The following CHD3 variants were observed in gnomAD, a reference collection of about 807,000 sequenced individuals.
CHD3 encodes the protein ATP-dependent chromatin remodeler CHD3.
In CHD3, 52 loss-of-function variants were observed where a neutral mutation model predicts 248.9. That is an observed-to-expected ratio of 0.21 (90% confidence interval 0.17 to 0.26). The LOEUF (loss-of-function observed/expected upper bound fraction) is 0.26, where lower values mean the gene tolerates loss of function less well. CHD3 is among the 10% of genes least tolerant of loss of function. The probability of loss-of-function intolerance (pLI) is 1.00; values close to 1 mark genes in which losing one functional copy is unlikely to be tolerated. For missense variants in CHD3, 1,482 were observed against 2,605.8 expected, an observed-to-expected ratio of 0.57 and a Z score of 9.39; for synonymous variants, 985 against 985.2, an observed-to-expected ratio of 1.00 and a Z score of 0.00.
At chr17:7,898,154 A>T (rs1969907796) in intron 12 of CHD3, 52 bp downstream of exon 12, 1 of 1,599,830 alleles carries the variant, frequency 6.3e-7, no homozygotes, top group African/African-American at 1.3e-5. Flanking sequence ...AGGGCATGAA[A>T]GCCAAAACTC....
Position 7,889,636 on chromosome 17 carries a change from A to C in CHD3, c.101-28A>C. 6.3e-7 allele frequency: 1 copy of C among 1,590,488 alleles called. No individual in the cohort carries two copies. The highest frequency in any genetic ancestry group is 8.6e-7 in the Non-Finnish European group (1 of 1,165,744). Reference sequence around the variant, plus strand: ...TCAGAGGCTGGAAACCTAGAGGCTTAGGTTTTCTGATGCTTTTTGCTTCAA... The same window carrying C: ...TCAGAGGCTGGAAACCTAGAGGCTTCGGTTTTCTGATGCTTTTTGCTTCAA... On this transcript the variant is annotated intron_variant, in intron 1 of 39. Transcript: ENST00000330494. This position sits in a 1 kb window ranked among gnomAD's most constrained non-coding sequence, Gnocchi z 4.5.
upstream of CHD3, chr17:7,884,849 A>C: frequency 2.0e-6 from 2 of 994,382 alleles, no homozygotes; most frequent in Non-Finnish European, 1.4e-6. Flanking sequence ...GGAGGAGGAG[A>C]TGGTGGTGTC....
chr17:7,904,691 A>G lies in CHD3; in HGVS notation c.4072+72A>G. 4 of 1,365,036 alleles carry G rather than the reference A, an allele frequency of 2.9e-6. No individual in the cohort carries two copies. The highest frequency in any genetic ancestry group is 4.0e-6 in the Non-Finnish European group (4 of 989,610). 84.6% of individuals were successfully genotyped at this position (1,365,036 alleles called of 1,614,324 possible). Reference sequence around the variant, plus strand: ...GAGTAGGGACTTGAAGGCTGGAGCTATTTAGAGGGAAAGAGAGAAGCCTAG... The same window carrying G: ...GAGTAGGGACTTGAAGGCTGGAGCTGTTTAGAGGGAAAGAGAGAAGCCTAG... On this transcript the variant is annotated intron_variant, in intron 25 of 39. Coordinates refer to ENST00000330494, the MANE Select transcript of CHD3 (RefSeq NM_001005273.3). This position sits in a 1 kb window ranked among gnomAD's most constrained non-coding sequence, Gnocchi z 4.4.
rs1415055263 is a variant in CHD3, at chr17:7,909,784, G to A, written c.5590+446G>A. ...AAACTACCACCCATCCAACCCTCTGGCCTTACCCCATGAAACTTCCCTTTG... is the reference window on the plus strand; with the variant it reads ...AAACTACCACCCATCCAACCCTCTGACCTTACCCCATGAAACTTCCCTTTG... On this transcript the variant is annotated intron_variant, in intron 37 of 39. Coordinates refer to ENST00000330494, the MANE Select transcript of CHD3 (RefSeq NM_001005273.3). This position sits in a 1 kb window ranked among gnomAD's most constrained non-coding sequence, Gnocchi z 8.1. The A allele has an allele frequency of 5.2e-6, 1 of 193,822 alleles. No individual in the cohort carries two copies. The highest frequency in any genetic ancestry group is 1.1e-5 in the Non-Finnish European group (1 of 94,502). The allele number at this position is 193,822 out of a possible 1,614,324, so 12.0% of individuals were successfully genotyped here. A position where few individuals can be genotyped will look rare whatever the true frequency, so the allele number is the denominator to read the frequency against.
In CHD3 at chr17:7,908,169, ATCTT is replaced by A; in HGVS notation, c.5152+155_5152+158del. On this transcript the variant is annotated intron_variant, in intron 34 of 39. Transcript: ENST00000330494. The surrounding 1 kb of genome is among the most constrained non-coding windows in gnomAD (Gnocchi z 5.8). ...ATGCTGACTCCGATCCTTGCTCTAA[ATCTT>A]TCTTAAGTATCCCTCTTAACTCCAA... The A allele has an allele frequency of 9.3e-7, 1 of 1,071,054 alleles. No individual in the cohort carries two copies. Among genetic ancestry groups the A allele is most frequent in the Non-Finnish European group, 1.3e-6 (1 of 746,720 alleles). 66.3% of individuals were successfully genotyped at this position (1,071,054 alleles called of 1,614,324 possible).
rs1385174412 is a variant in CHD3, at chr17:7,907,690, T to C, written c.5014T>C (p.Leu1672=). 2 of 1,531,996 alleles carry C rather than the reference T, an allele frequency of 1.3e-6. No individual in the cohort carries two copies. The highest frequency in any genetic ancestry group is 2.8e-5 in the African/African-American group (2 of 71,642). 94.9% of individuals were successfully genotyped at this position (1,531,996 alleles called of 1,614,324 possible). The stretch of plus-strand genomic sequence containing the variant: ...GAGGCCGGAGGGGGAAACAGGGGAT[T>C]TGGGCAAGAGAGGTAATGGGTGGAA... ...RERPEGETGD[L]GKREDVKGDR... is the part of the protein sequence containing the mutation. The change falls in exon 33 of 40, where the codon TTG becomes CTG. Residue 1672 remains leucine (L), a synonymous_variant. Coordinates refer to ENST00000330494, the MANE Select transcript of CHD3 (RefSeq NM_001005273.3). This position sits in a 1 kb window ranked among gnomAD's most constrained non-coding sequence, Gnocchi z 4.3.
chr17:7,901,454 C>T, intron 20 of CHD3, 79 bp downstream of exon 20: 1 of 1,236,154 alleles, frequency 8.1e-7, no homozygotes, highest in Non-Finnish European at 1.1e-6. Flanking sequence ...TTCTTACGGT[C>T]TTCCTGTGGC....
rs372355101 is a variant in CHD3, at chr17:7,894,167, T to G, written c.977T>G (p.Leu326Arg). ...GAACCAGAGGCTGAGGAATCAGACC[T>G]GGACAGTGGCAGTGTCCACAGTGCC... ...GPEPEAEESD[L>R]DSGSVHSASG... Residue 326 changes from leucine (L) to arginine (R), a missense_variant, in exon 7 of 40, where the codon CTG becomes CGG. Leu to Arg is a moderately radical substitution (Grantham distance 102). This residue lies in a region of CHD3 where 149 missense variants were observed against 182.6 expected (regional missense o/e 0.82). Coordinates refer to ENST00000330494, the MANE Select transcript of CHD3 (RefSeq NM_001005273.3). The G allele has an allele frequency of 1.9e-6, 3 of 1,614,178 alleles. No individual in the cohort carries two copies. In the South Asian group the frequency reaches 3.3e-5, roughly 18 times the overall value.
chr17:7,889,670 A>G lies in CHD3; in HGVS notation c.107A>G (p.Asp36Gly). 6.2e-7 allele frequency: 1 copy of G among 1,611,886 alleles called. No individual in the cohort carries two copies. The highest frequency in any genetic ancestry group is 8.5e-7 in the Non-Finnish European group (1 of 1,178,754). Residue 36 changes from aspartate to glycine, a missense_variant, in exon 2 of 40, where the codon GAT becomes GGT. By Grantham distance (94) the Asp-to-Gly change is moderately conservative. Transcript: ENST00000330494. This position sits in a 1 kb window ranked among gnomAD's most constrained non-coding sequence, Gnocchi z 4.5. ...GATGCTTTTTGCTTCAAAGATAAGGATGACATTCGGCTGCTGCCGTCAGCA... is the reference window on the plus strand; with the variant it reads ...GATGCTTTTTGCTTCAAAGATAAGGGTGACATTCGGCTGCTGCCGTCAGCA... ...LCWGDRMPDK[D>G]DIRLLPSALG...
In CHD3 at chr17:7,900,675, G is replaced by A; in HGVS notation, c.2922G>A (p.Lys974=). ...MLRRLKADVF[K]NMPAKTELIV... The stretch of plus-strand genomic sequence containing the variant: ...GGAGACTCAAGGCAGATGTCTTTAA[G>A]AACATGCCAGCCAAGACAGAGCTCA... The change falls in exon 18 of 40, where the codon AAG becomes AAA. Residue 974 remains lysine (K), a synonymous_variant. Coordinates refer to ENST00000330494, the MANE Select transcript of CHD3 (RefSeq NM_001005273.3). This position sits in a 1 kb window ranked among gnomAD's most constrained non-coding sequence, Gnocchi z 6.5. 1 of 1,614,120 alleles carries A rather than the reference G, an allele frequency of 6.2e-7. No homozygotes were observed. The highest frequency in any genetic ancestry group is 8.5e-7 in the Non-Finnish European group (1 of 1,180,032).
Position 7,905,492 on chromosome 17 carries a change from G to C in CHD3, c.4139-129G>C. ...TAGTAGTTCTGAAGTGCTTGGGAGA[G>C]AATTGGGAGCACCTCAAACGTGACA... On this transcript the variant is annotated intron_variant, in intron 26 of 39. Coordinates refer to ENST00000330494, the MANE Select transcript of CHD3 (RefSeq NM_001005273.3). This position sits in a 1 kb window ranked among gnomAD's most constrained non-coding sequence, Gnocchi z 5.8. 1.4e-6 allele frequency: 1 copy of C among 708,588 alleles called. No individual in the cohort carries two copies. The highest frequency in any genetic ancestry group is 1.9e-5 in the South Asian group (1 of 51,598). 43.9% of individuals were successfully genotyped at this position (708,588 alleles called of 1,614,324 possible). A position where few individuals can be genotyped will look rare whatever the true frequency, so the allele number is the denominator to read the frequency against.
chr17:7,908,345 G>T lies in CHD3; in HGVS notation c.5153-57G>T. The T allele has an allele frequency of 1.5e-6, 2 of 1,348,552 alleles. No homozygotes were observed. The highest frequency in any genetic ancestry group is 2.5e-5 in the South Asian group (2 of 81,596). The allele number at this position is 1,348,552 out of a possible 1,614,324, so 83.5% of individuals were successfully genotyped here. A position where few individuals can be genotyped will look rare whatever the true frequency, so the allele number is the denominator to read the frequency against. On this transcript the variant is annotated intron_variant, in intron 34 of 39. Transcript: ENST00000330494. This position sits in a 1 kb window ranked among gnomAD's most constrained non-coding sequence, Gnocchi z 5.8. Reference sequence around the variant, plus strand: ...TTTCTCCATCTCTACCTGTCTGTTGGACTGAGTGCAGTCTGCAAAACCCTG... The same window carrying T: ...TTTCTCCATCTCTACCTGTCTGTTGTACTGAGTGCAGTCTGCAAAACCCTG...
At chr17:7,885,136 G>T, upstream of CHD3, 1 of 982,484 alleles carries the variant, frequency 1.0e-6, no homozygotes, top group Non-Finnish European at 1.2e-6. Context: ...CCGCGGGCGC[G>T]CGAAGCCGGG....
At chr17:7,902,432 A>T (rs1970427802) in intron 20 of CHD3, among the ~76,000 whole-genome samples, 178 bp from the exon 21 acceptor site, 1 of 152,116 alleles carries the variant, frequency 6.6e-6, no homozygotes, top group South Asian at 2.1e-4. Context: ...AAAAAAAATA[A>T]AAATAAATAA....
rs764282702 is a variant in CHD3 at position 7,906,127 on chromosome 17, C to T, written c.4358+138C>T. ...CCCTGTCATACAATACTTCCTGGCT[C>T]GATTTCCTGGGGGGTGGTCTCAGCC... is the stretch of plus-strand genomic sequence containing the variant. On this transcript the variant is annotated intron_variant, in intron 28 of 39. Coordinates refer to ENST00000330494, the MANE Select transcript of CHD3 (RefSeq NM_001005273.3). The surrounding 1 kb of genome is among the most constrained non-coding windows in gnomAD (Gnocchi z 5.0). The T allele has an allele frequency of 6.7e-6, 9 of 1,350,930 alleles. No homozygotes were observed. The South Asian group carries it at 8.2e-5, about 12-fold the overall frequency. The allele number at this position is 1,350,930 out of a possible 1,614,324, so 83.7% of individuals were successfully genotyped here.
Position 7,905,279 on chromosome 17 carries a change from T to C in CHD3, c.4138+114T>C, listed in dbSNP as rs1254480276. The stretch of plus-strand genomic sequence containing the variant: ...AGTCTTCGTGTGTGTGTGGAAAAAC[T>C]CGATTGCAGATGAGCAGAAAGGAAG... On this transcript the variant is annotated intron_variant, in intron 26 of 39. Coordinates refer to ENST00000330494, the MANE Select transcript of CHD3 (RefSeq NM_001005273.3). This position sits in a 1 kb window ranked among gnomAD's most constrained non-coding sequence, Gnocchi z 5.8. 1 of 947,704 alleles carries C rather than the reference T, an allele frequency of 1.1e-6. No homozygotes were observed. The highest frequency in any genetic ancestry group is 1.6e-5 in the African/African-American group (1 of 61,776). 58.7% of individuals were successfully genotyped at this position (947,704 alleles called of 1,614,324 possible). A position where few individuals can be genotyped will look rare whatever the true frequency, so the allele number is the denominator to read the frequency against.
chr17:7,893,138 A>AT (rs1567839684), intron 4 of CHD3, 148 bp from the exon 5 acceptor site: 3 of 1,228,702 alleles, frequency 2.4e-6, no homozygotes, highest in East Asian at 2.8e-5. Context: ...CTTTTTATTT[A>AT]TTTTTTTAAA....
chr17:7,904,394 T>C lies in CHD3; in HGVS notation c.3895-48T>C. 1 of 1,557,028 alleles carries C rather than the reference T, an allele frequency of 6.4e-7. No homozygotes were observed. The highest frequency in any genetic ancestry group is 8.8e-7 in the Non-Finnish European group (1 of 1,136,444). On this transcript the variant is annotated intron_variant, in intron 24 of 39. Transcript: ENST00000330494. The surrounding 1 kb of genome is among the most constrained non-coding windows in gnomAD (Gnocchi z 4.4). ...AGGGATTTCCTTGCAGTGGAAGGAT[T>C]AGCAAAGAAGGAGACCCCCAGTGTT... is the stretch of plus-strand genomic sequence containing the variant.
In CHD3 at chr17:7,906,938, T is replaced by G. The variant is rs1352931258; in HGVS notation, c.4573T>G (p.Ser1525Ala). ...ACTGATGCCTGACCCCAGCGCCGAT[T>G]CTAAGCGCTCCTCCAGAGCCTCCTC... ...PELMPDPSAD[S>A]KRSSRASSPT... The change falls in exon 30 of 40, where the codon TCT (serine) becomes GCT (alanine). Residue 1525 changes from serine to alanine, a missense_variant. Physicochemically the swap from Ser to Ala is moderately conservative, Grantham distance 99. This residue lies in a region of CHD3 where 254 missense variants were observed against 266.7 expected (regional missense o/e 0.95). Coordinates refer to ENST00000330494, the MANE Select transcript of CHD3 (RefSeq NM_001005273.3). This position sits in a 1 kb window ranked among gnomAD's most constrained non-coding sequence, Gnocchi z 5.0. 4.3e-6 allele frequency: 7 copies of G among 1,613,988 alleles called. No homozygotes were observed. The highest frequency in any genetic ancestry group is 5.9e-6 in the Non-Finnish European group (7 of 1,180,018).
Sources: gnomAD v4.1 joint callset for allele counts (sites outside exome capture counted in the v4.1 genomes callset) on GRCh38, gnomAD v4.1.1 for gene constraint, gnomAD v4.1.1 regional missense constraint, Gnocchi (gnomAD v3.1) non-coding constraint, MANE v1.5 for transcripts, NCBI Gene and HGNC (gene_info 2026-07-23, HGNC 2026-07-21) for gene names.